The following TNRC6C variants were observed in gnomAD, a reference collection of about 807,000 sequenced individuals.
TNRC6C encodes trinucleotide repeat containing adaptor 6C, also known as trinucleotide repeat-containing gene 6C protein.
TNRC6C carries 20 observed loss-of-function variants against 153.7 expected under a neutral mutation model. The ratio of observed to expected loss-of-function variants is 0.13; its 90% CI spans 0.09 to 0.19. The LOEUF (loss-of-function observed/expected upper bound fraction) is 0.19. TNRC6C is among the 10% of genes least tolerant of loss of function. The pLI, the probability that TNRC6C is intolerant of heterozygous loss-of-function variation, is 1.00. For missense variants in TNRC6C, 1,987 were observed against 2,172.0 expected (o/e 0.91, Z 1.69); for synonymous variants, 811 against 841.4 (o/e 0.96, Z 0.63).
chr17:78,001,644 A>G (rs749347207), upstream of TNRC6C, among the ~76,000 whole-genome samples: 2 of 152,364 alleles, frequency 1.3e-5, no homozygotes, highest in South Asian at 2.1e-4. Flanking sequence ...AAAAGTTTCT[A>G]TAACATAATC....
chr17:78,036,104 G>A (rs369754441), intron 2 of TNRC6C, among the ~76,000 whole-genome samples: 47 of 152,272 alleles, frequency 3.1e-4, no homozygotes, highest in African/African-American at 1.0e-3. Context: ...TGAGGGAGGC[G>A]TCCTTAGGAA....
At chr17:78,041,935 G>A (rs1272840941) in intron 2 of TNRC6C, among the ~76,000 whole-genome samples, 1 of 152,168 alleles carries the variant, frequency 6.6e-6, no homozygotes, top group African/African-American at 2.4e-5. Flanking sequence ...GCACACCTCT[G>A]AGTAAATCTT....
At chr17:78,037,966 A>G (rs60993368) in intron 2 of TNRC6C, among the ~76,000 whole-genome samples, 58 of 152,320 alleles carry the variant, frequency 3.8e-4, no homozygotes, top group African/African-American at 1.3e-3. Flanking sequence ...AGGAACTATG[A>G]TATAAAGAGA....
upstream of TNRC6C, among the ~76,000 whole-genome samples, chr17:77,999,954 GTCTC>G (rs370276109): frequency 1.2e-3 from 183 of 152,302 alleles, 1 homozygote; most frequent in East Asian, 0.013. Flanking sequence ...CAAGTCGCTG[GTCTC>G]TCTCATACTC....
rs530012163 is a variant in TNRC6C at position 78,038,596 on chromosome 17, G to A, written c.-219+6754G>A. On this transcript the variant is annotated intron_variant, in intron 2 of 19. Transcript: ENST00000301624. ...CGGGAGGCTGAGGCAGGAGAATGCC[G>A]TGAACCCGGGAGGCGGAGCTTGCAG... 2.1e-3 allele frequency among the ~76,000 whole-genome samples: 317 copies of A among 150,998 alleles called. 1 individual carries two copies. The highest frequency in any genetic ancestry group is 8.0e-3 in the Admixed American group (121 of 15,154).
intron 1 of TNRC6C, among the ~76,000 whole-genome samples, chr17:77,969,258 ATTTTT>A (rs111768465): frequency 1.3e-5 from 2 of 148,210 alleles, no homozygotes. Flanking sequence ...TCTTTAATAA[ATTTTT>A]TTTTTTTGAG....
chr17:78,034,292 G>A (rs1024708032), intron 2 of TNRC6C, among the ~76,000 whole-genome samples: 3 of 151,682 alleles, frequency 2.0e-5, no homozygotes, highest in Non-Finnish European at 4.4e-5. Context: ...CCTGACCTCA[G>A]GTGATCCGCC....
intron 1 of TNRC6C, among the ~76,000 whole-genome samples, chr17:78,013,328 G>A (rs2071669497): frequency 1.3e-5 from 2 of 152,264 alleles, no homozygotes; most frequent in South Asian, 4.1e-4. Context: ...AAACAGAGGA[G>A]GAGAGAGGGC....
chr17:78,084,792 C>CTAATTT (rs1463540045), intron 11 of TNRC6C, among the ~76,000 whole-genome samples: 1 of 151,920 alleles, frequency 6.6e-6, no homozygotes, highest in African/African-American at 2.4e-5. Context: ...CCACGCCCAG[C>CTAATTT]TAATTTTTGT....
chr17:78,011,299 G>T (rs972813797), intron 1 of TNRC6C, among the ~76,000 whole-genome samples: 5 of 152,176 alleles, frequency 3.3e-5, no homozygotes, highest in African/African-American at 1.2e-4. Flanking sequence ...CATCATCCCT[G>T]AAGGTGTCCT....
chr17:77,999,647 A>G (rs1429758369), upstream of TNRC6C, among the ~76,000 whole-genome samples: 4 of 152,322 alleles, frequency 2.6e-5, no homozygotes, highest in South Asian at 4.1e-4. Context: ...CATCCATTGC[A>G]TGGTTTCCAT....
chr17:77,984,235 T>A (rs2071123772), intron 1 of TNRC6C, among the ~76,000 whole-genome samples: 1 of 151,852 alleles, frequency 6.6e-6, no homozygotes, highest in Non-Finnish European at 1.5e-5. Flanking sequence ...AAAAGGGTCT[T>A]CCCAGCCAGG....
At chr17:78,096,255 C>T (rs2073484274) in intron 16 of TNRC6C, among the ~76,000 whole-genome samples, 1 of 152,050 alleles carries the variant, frequency 6.6e-6, no homozygotes, top group Non-Finnish European at 1.5e-5. Flanking sequence ...GACACCGGGG[C>T]CTGCTGTATG....
intron 1 of TNRC6C, among the ~76,000 whole-genome samples, chr17:77,992,013 G>T (rs922608064): frequency 6.6e-6 from 1 of 152,174 alleles, no homozygotes; most frequent in Non-Finnish European, 1.5e-5. Context: ...GTCTCAACAA[G>T]ATCGATTTGA....
exon 13 of TNRC6C, chr17:78,086,916 G>A (rs771166276): frequency 5.6e-6 from 9 of 1,612,508 alleles, no homozygotes; most frequent in Non-Finnish European, 7.6e-6. Context: ...GCTGGCCCAG[G>A]CCCTGCTCGT....
chr17:78,082,192 G>A (rs1022477406), intron 10 of TNRC6C, among the ~76,000 whole-genome samples: 8 of 150,056 alleles, frequency 5.3e-5, no homozygotes, highest in African/African-American at 1.7e-4. Flanking sequence ...GGGTCCGGGG[G>A]GTCACCGCCT....
intron 2 of TNRC6C, among the ~76,000 whole-genome samples, chr17:78,048,249 A>G (rs2072448548): frequency 6.6e-6 from 1 of 152,028 alleles, no homozygotes. Context: ...AACATTTCTA[A>G]TCCTTAGTAT....
At chr17:78,089,534 G>A (rs192022261) in intron 13 of TNRC6C, among the ~76,000 whole-genome samples, 17 of 152,260 alleles carry the variant, frequency 1.1e-4, no homozygotes, top group Non-Finnish European at 2.1e-4. Flanking sequence ...AAAGAAACCA[G>A]CAGCCCATGG....
chr17:78,071,189 C>G (rs1028463616), intron 6 of TNRC6C, 24 bp downstream of exon 8: 7 of 1,580,616 alleles, frequency 4.4e-6, no homozygotes, highest in Admixed American at 1.8e-5. Context: ...TAGTTTACTG[C>G]TACCCACCAT....
Sources: allele counts gnomAD v4.1 joint callset (sites outside exome capture counted in the v4.1 genomes callset), GRCh38; gene constraint gnomAD v4.1.1; transcripts MANE v1.5; gene names NCBI Gene and HGNC (gene_info 2026-07-23, HGNC 2026-07-21).